KCNIP4: variants seen among roughly 807,000 people sequenced by gnomAD.
The protein encoded by KCNIP4 is Kv channel-interacting protein 4.
In KCNIP4, 12 loss-of-function variants were observed where a neutral mutation model predicts 34.0. That is an observed-to-expected ratio of 0.35 (90% CI 0.23 to 0.57). KCNIP4 has a LOEUF of 0.57. KCNIP4 is among the 20% of genes least tolerant of loss of function. The probability of loss-of-function intolerance (pLI) is 0.83; values close to 1 mark genes in which losing one functional copy is unlikely to be tolerated. For synonymous variants in KCNIP4, 124 were observed against 102.2 expected (o/e 1.21, Z -1.29); for missense variants, 238 against 311.7 (o/e 0.76, Z 1.78).
intron 1 of KCNIP4, among the ~76,000 whole-genome samples, chr4:21,686,643 A>T (rs1750823256): frequency 6.6e-6 from 1 of 152,200 alleles, no homozygotes. Context: ...AAATGTGTAC[A>T]GTTAGAGAGA....
intron 1 of KCNIP4, among the ~76,000 whole-genome samples, chr4:21,071,667 A>C (rs1744938287): frequency 6.6e-6 from 1 of 151,824 alleles, no homozygotes; most frequent in Admixed American, 6.6e-5. Context: ...TTATACTTTA[A>C]GTTTTGGGGT....
At chr4:21,889,429 A>T (rs1560789740) in intron 1 of KCNIP4, among the ~76,000 whole-genome samples, 2 of 152,068 alleles carry the variant, frequency 1.3e-5, no homozygotes. Flanking sequence ...CATTTTGGAT[A>T]AGGGATATTA....
chr4:20,820,642 T>G (rs542954256), intron 3 of KCNIP4, among the ~76,000 whole-genome samples: 2 of 152,222 alleles, frequency 1.3e-5, no homozygotes, highest in South Asian at 4.2e-4. Flanking sequence ...AGCAAGACAA[T>G]GGAAGAATGA....
chr4:21,203,880 G>T (rs530542234), intron 1 of KCNIP4, among the ~76,000 whole-genome samples: 1 of 152,242 alleles, frequency 6.6e-6, no homozygotes, highest in East Asian at 1.9e-4. Context: ...TTCTGTTTTG[G>T]TAATAAAAAT....
intron 1 of KCNIP4, among the ~76,000 whole-genome samples, chr4:21,107,150 C>T (rs1748625660): frequency 6.8e-6 from 1 of 146,876 alleles, no homozygotes. Context: ...TCCTGGGTAT[C>T]CTTTTTAACT....
At chr4:20,995,925 C>T (rs1737513878) in intron 1 of KCNIP4, among the ~76,000 whole-genome samples, 1 of 152,066 alleles carries the variant, frequency 6.6e-6, no homozygotes, top group African/African-American at 2.4e-5. Context: ...CATTAGTGTC[C>T]ATGAGAAAAT....
chr4:21,801,623 T>TTATTATTA (rs1412270607), intron 1 of KCNIP4, among the ~76,000 whole-genome samples: 1 of 151,514 alleles, frequency 6.6e-6, no homozygotes, highest in Non-Finnish European at 1.5e-5. Flanking sequence ...TATTATTATT[T>TTATTATTA]TTTGAGATGG....
chr4:21,440,921 A>G (rs1394677394), intron 1 of KCNIP4, among the ~76,000 whole-genome samples: 1 of 152,126 alleles, frequency 6.6e-6, no homozygotes, highest in Non-Finnish European at 1.5e-5. Context: ...GAAAATTAAT[A>G]AATATAAAAT....
chr4:21,158,586 A>C (rs541690162), intron 1 of KCNIP4, among the ~76,000 whole-genome samples: 1 of 152,344 alleles, frequency 6.6e-6, no homozygotes, highest in Non-Finnish European at 1.5e-5. Flanking sequence ...ACAAAACTGC[A>C]ATGTGAATTC....
chr4:21,409,762 A>G (rs1724322657), intron 1 of KCNIP4, among the ~76,000 whole-genome samples: 1 of 152,206 alleles, frequency 6.6e-6, no homozygotes, highest in Non-Finnish European at 1.5e-5. Context: ...AAATAAATGT[A>G]TGTGAGTGTA....
chr4:21,787,293 C>G (rs1289863407), intron 1 of KCNIP4, among the ~76,000 whole-genome samples: 1 of 152,152 alleles, frequency 6.6e-6, no homozygotes, highest in African/African-American at 2.4e-5. Flanking sequence ...GTTTAAAAAT[C>G]TGAAATCTGA....
intron 1 of KCNIP4, among the ~76,000 whole-genome samples, chr4:20,988,978 G>A (rs1736840484): frequency 6.6e-6 from 1 of 152,184 alleles, no homozygotes; most frequent in Non-Finnish European, 1.5e-5. Context: ...TATTCCATTA[G>A]TTTCCCCTGT....
intron 2 of KCNIP4, among the ~76,000 whole-genome samples, chr4:20,872,197 G>A (rs1723545485): frequency 6.6e-6 from 1 of 152,116 alleles, no homozygotes; most frequent in Non-Finnish European, 1.5e-5. Context: ...TCTAAGCAGA[G>A]TCTGAAAACA....
At chr4:21,152,393 T>C (rs1752820147) in intron 1 of KCNIP4, among the ~76,000 whole-genome samples, 1 of 152,172 alleles carries the variant, frequency 6.6e-6, no homozygotes. Context: ...TTTCTTCCAT[T>C]CTCTCATTTT....
intron 1 of KCNIP4, among the ~76,000 whole-genome samples, chr4:21,339,047 A>G (rs1578098169): frequency 6.6e-6 from 1 of 152,302 alleles, no homozygotes; most frequent in East Asian, 1.9e-4. Context: ...TTGAGCTACC[A>G]TAGCAGGAAG....
rs1164339591 is a variant in KCNIP4 at position 20,729,331 on chromosome 4, T to C, written c.*751A>G. On this transcript the variant is annotated 3_prime_UTR_variant, in exon 9 of 9. Transcript: ENST00000382152. ...CCACTTAATGATTGATACTAATGAT[T>C]GATACAATAGAAAACAGCCTGTAAG... The C allele has an allele frequency of 6.6e-6, 1 of 151,532 alleles. No individual in the cohort carries two copies. The highest frequency in any genetic ancestry group is 1.5e-5 in the Non-Finnish European group (1 of 67,956). The allele number at this position is 151,532 out of a possible 1,614,324, so 9.4% of individuals were successfully genotyped here. A position where few individuals can be genotyped will look rare whatever the true frequency, so the allele number is the denominator to read the frequency against.
intron 1 of KCNIP4, among the ~76,000 whole-genome samples, chr4:21,394,109 C>G (rs958275797): frequency 6.6e-6 from 1 of 152,046 alleles, no homozygotes; most frequent in South Asian, 2.1e-4. Context: ...AATTATGAAC[C>G]TATAGAATGT....
At chr4:20,911,364 T>A (rs373752225) in intron 1 of KCNIP4, among the ~76,000 whole-genome samples, 1 of 152,196 alleles carries the variant, frequency 6.6e-6, no homozygotes, top group South Asian at 2.1e-4. Flanking sequence ...CATGGTTCAT[T>A]ATTTAAGAAC....
chr4:20,981,446 A>T (rs1417119575), intron 1 of KCNIP4, among the ~76,000 whole-genome samples: 1 of 152,232 alleles, frequency 6.6e-6, no homozygotes, highest in Non-Finnish European at 1.5e-5. Flanking sequence ...AGAATTCCAG[A>T]AAATTCCCAT....
Sources: allele counts gnomAD v4.1 joint callset (sites outside exome capture counted in the v4.1 genomes callset), GRCh38; gene constraint gnomAD v4.1.1; transcripts MANE v1.5; gene names NCBI Gene and HGNC (gene_info 2026-07-23, HGNC 2026-07-21).